The following MATK variants were observed in gnomAD, a reference collection of about 807,000 sequenced individuals.
MATK encodes megakaryocyte-associated tyrosine kinase.
Under a neutral mutation model 59.8 loss-of-function variants are expected in MATK, and 41 were observed. The ratio of observed to expected loss-of-function variants is 0.69; its 90% CI spans 0.53 to 0.89. The LOEUF (loss-of-function observed/expected upper bound fraction) is 0.89, where lower values mean the gene tolerates loss of function less well. MATK is among the 40% of genes least tolerant of loss of function. The probability of loss-of-function intolerance (pLI) is 0.00; values close to 1 mark genes in which losing one functional copy is unlikely to be tolerated. For missense variants in MATK, 593 were observed against 719.6 expected (o/e 0.82, Z 2.01); for synonymous variants, 308 against 306.1 (o/e 1.01, Z -0.06).
chr19:3,783,421 G>T, intron 6 of MATK: 3 of 605,124 alleles, frequency 5.0e-6, no homozygotes, highest in Non-Finnish European at 5.9e-6. Flanking sequence ...GTCCTGGGGG[G>T]TCCCCAGAGG....
chr19:3,791,527 G>C (rs2037541940), intron 1 of MATK, among the ~76,000 whole-genome samples: 1 of 151,952 alleles, frequency 6.6e-6, no homozygotes, highest in African/African-American at 2.4e-5. Context: ...ATTTTTAGTA[G>C]AGACGGGGTT....
rs562052367 is a variant in MATK at position 3,779,010 on chromosome 19, G to A, written c.1179C>T (p.Pro393=). 101 of 1,574,014 alleles carry A rather than the reference G, an allele frequency of 6.4e-5. No homozygotes were observed. Among genetic ancestry groups the A allele is most frequent in the African/African-American group, 9.5e-5 (7 of 73,948 alleles). Residue 393 remains proline, a synonymous_variant, in exon 12 of 14, where the codon CCC becomes CCT. Coordinates refer to ENST00000310132, the MANE Select transcript of MATK (RefSeq NM_139355.3). ...GGCTCACCCCGTGTTTGAGAGCCTC[G>A]GGCGCCGTCCACTTGACGGGCAGCC... ...SSRLPVKWTA[P]EALKHGKFTS... is the part of the protein sequence containing the mutation.
At chr19:3,782,847 A>C in intron 7 of MATK, 37 of 456,214 alleles carry the variant, frequency 8.1e-5, no homozygotes, top group East Asian at 3.0e-4. Flanking sequence ...CAAGGAGGGA[A>C]TGCTGGAGGA....
upstream of MATK, among the ~76,000 whole-genome samples, chr19:3,790,810 G>T (rs946733209): frequency 5.3e-5 from 8 of 152,124 alleles, no homozygotes; most frequent in African/African-American, 1.7e-4. Flanking sequence ...ATACTTCCTA[G>T]AGCAAGGTCT....
chr19:3,784,788 A>G (rs1413037706), intron 3 of MATK, 37 bp downstream of exon 3: 1 of 1,500,182 alleles, frequency 6.7e-7, no homozygotes, highest in East Asian at 2.5e-5. Context: ...TTGAAGAAGG[A>G]CCCGGGGAGC....
Position 3,798,248 on chromosome 19 carries a change from G to T in MATK, c.-58+3284C>A, listed in dbSNP as rs147577164. Among the ~76,000 whole-genome samples the T allele has an allele frequency of 4.5e-3, 680 of 151,928 alleles. 3 individuals are homozygous for T. Among genetic ancestry groups the T allele is most frequent in the South Asian group, 1.0e-2 (48 of 4,814 alleles). On this transcript the variant is annotated intron_variant, in intron 1 of 13. Coordinates refer to the MATK transcript ENST00000395045. ...TTCTGCCCTCTTTGTCTCTCCTTCAGGTTACTTTTCTTTTCTCTTTGTGGG... is the reference window on the plus strand; with the variant it reads ...TTCTGCCCTCTTTGTCTCTCCTTCATGTTACTTTTCTTTTCTCTTTGTGGG...
chr19:3,784,412 C>G lies in MATK; in HGVS notation c.172G>C (p.Glu58Gln), dbSNP rs1435016381. 1 of 1,602,728 alleles carries G rather than the reference C, an allele frequency of 6.2e-7. No individual in the cohort carries two copies. The highest frequency in any genetic ancestry group is 8.5e-7 in the Non-Finnish European group (1 of 1,176,732). Residue 58 changes from glutamate to glutamine, a missense_variant, in exon 4 of 14, where the codon GAG becomes CAG. By Grantham distance (29) the Glu-to-Gln change is conservative (BLOSUM62 2). Transcript: ENST00000310132. ...APGTQCITKC[E>Q]HTRPKPGELA... ...TCCCCTGGCTTGGGGCGGGTGTGCT[C>G]GCATTTGGTGATACACTGGGTGCCC...
intron 1 of MATK, among the ~76,000 whole-genome samples, chr19:3,795,843 C>T (rs113364096): frequency 0.2 from 28,286 of 141,432 alleles, 3,440 homozygotes; most frequent in Middle Eastern, 0.32. Flanking sequence ...CTCACTGCAT[C>T]CTCCGCCTCC....
upstream of MATK, among the ~76,000 whole-genome samples, chr19:3,786,713 GAGCACCCACCGTCTCAGAGGGCT>G (rs1337848633): frequency 1.3e-5 from 2 of 152,020 alleles, no homozygotes; most frequent in African/African-American, 4.8e-5. This position sits in a 1 kb window ranked among gnomAD's most constrained non-coding sequence, Gnocchi z 4.1. Context: ...TCGCCCATTT[GAGCACCCACCGTCTCAGAGGGCT>G]ATTGGTGGTT....
intron 1 of MATK, among the ~76,000 whole-genome samples, chr19:3,796,822 G>A (rs1416448324): frequency 6.6e-6 from 1 of 152,170 alleles, no homozygotes; most frequent in Non-Finnish European, 1.5e-5. Flanking sequence ...ACTCTCCTGG[G>A]TAATTAGAGG....
At chr19:3,778,841 G>C (rs1468355379) in intron 12 of MATK, 151 bp downstream of exon 12, 1 of 873,338 alleles carries the variant, frequency 1.1e-6, no homozygotes, top group Non-Finnish European at 1.7e-6. Flanking sequence ...CCCAGAGGGG[G>C]GCTACGAGGA....
chr19:3,787,593 C>T (rs1385917501), upstream of MATK: 1 of 151,922 alleles, frequency 6.6e-6, no homozygotes, highest in African/African-American at 2.4e-5. Context: ...ACTTTGTTGC[C>T]CAGGCTGGTC....
intron 1 of MATK, among the ~76,000 whole-genome samples, chr19:3,794,673 A>G (rs1483869163): frequency 6.6e-6 from 1 of 152,082 alleles, no homozygotes; most frequent in Non-Finnish European, 1.5e-5. Context: ...AAAAGAAAAG[A>G]TCAAGTAAGG....
chr19:3,786,513 C>A, upstream of MATK: 4 of 587,554 alleles, frequency 6.8e-6, 1 homozygote, highest in Non-Finnish European at 8.5e-6. The surrounding 1 kb of genome is among the most constrained non-coding windows in gnomAD (Gnocchi z 4.1). Context: ...CTGACCTGGC[C>A]CTGTCGGGCG....
At chr19:3,794,968 TC>T (rs200194540) in intron 1 of MATK, among the ~76,000 whole-genome samples, 30 of 149,400 alleles carry the variant, frequency 2.0e-4, no homozygotes, top group African/African-American at 6.5e-4. Context: ...ACTTTTCTTT[TC>T]TTTTGCTTTT....
At chr19:3,799,179 G>A (rs557861499) in intron 1 of MATK, among the ~76,000 whole-genome samples, 2 of 152,184 alleles carry the variant, frequency 1.3e-5, no homozygotes, top group African/African-American at 4.8e-5. Flanking sequence ...ACCTTTCTGT[G>A]CAGCAAGCAT....
Position 3,786,174 on chromosome 19 carries a change from CA to C in MATK, c.-158del. The C allele has an allele frequency of 2.0e-6, 2 of 980,158 alleles. No homozygotes were observed. Among genetic ancestry groups the C allele is most frequent in the Non-Finnish European group, 1.2e-6 (1 of 825,450 alleles). 60.7% of individuals were successfully genotyped at this position (980,158 alleles called of 1,614,324 possible). ...CTCCCCGCCGACGTGCTCACCTGCT[CA>C]GGGGGCGCCCCCGAGCCGCGCCCCG... On this transcript the variant is annotated 5_prime_UTR_variant, in exon 1 of 14. It removes the in-frame stop codon of an upstream open reading frame in the 5' UTR. Coordinates refer to ENST00000310132, the MANE Select transcript of MATK (RefSeq NM_139355.3). This position sits in a 1 kb window ranked among gnomAD's most constrained non-coding sequence, Gnocchi z 4.1.
intron 3 of MATK, 152 bp from the exon 4 acceptor site, chr19:3,784,603 A>C: frequency 1.5e-6 from 1 of 651,896 alleles, no homozygotes; most frequent in Non-Finnish European, 2.7e-6. Context: ...CATCGGGGGA[A>C]AGAAAGGGGG....
At position 3,779,793 on chromosome 19, in the gene MATK, G is replaced by C; in HGVS notation, c.747C>G (p.Val249=). ...TTTGCCCCAGGTACTCACCCTGCAGGACAGCTGGGGGGTGGGGGTGGGGAA... is the reference window on the plus strand; with the variant it reads ...TTTGCCCCAGGTACTCACCCTGCAGCACAGCTGGGGGGTGGGGGTGGGGAA... The part of the protein sequence containing the change: ...AQIGEGEFGA[V]LQGEYLGQKV... The change falls in exon 9 of 14, where the codon GTC becomes GTG. Residue 249 remains valine (V), a synonymous_variant. Transcript: ENST00000310132. The C allele has an allele frequency of 6.2e-7, 1 of 1,603,464 alleles. No individual in the cohort carries two copies. The highest frequency in any genetic ancestry group is 8.5e-7 in the Non-Finnish European group (1 of 1,171,480).
Sources: allele counts gnomAD v4.1 joint callset (sites outside exome capture counted in the v4.1 genomes callset), GRCh38; gene constraint gnomAD v4.1.1; non-coding constraint Gnocchi (gnomAD v3.1); transcripts MANE v1.5; gene names NCBI Gene and HGNC (gene_info 2026-07-23, HGNC 2026-07-21).